The following TXNL1 variants were observed in gnomAD, a reference collection of about 807,000 sequenced individuals.
TXNL1 encodes the protein thioredoxin like 1.
TXNL1 carries 14 observed loss-of-function variants against 35.5 expected under a neutral mutation model. That is an observed-to-expected ratio of 0.39 (90% CI 0.26 to 0.62). The LOEUF is 0.62. Ranked by LOEUF, TXNL1 falls within the 20% of genes least tolerant of loss-of-function variation. TXNL1 has a pLI of 0.47. For synonymous variants in TXNL1, 110 were observed against 115.5 expected, an observed-to-expected ratio of 0.95 and a Z score of 0.31; for missense variants, 263 against 349.7, an observed-to-expected ratio of 0.75 and a Z score of 1.98.
At chr18:56,615,156 T>G (rs1018347441) in intron 5 of TXNL1, among the ~76,000 whole-genome samples, 23 of 152,132 alleles carry the variant, frequency 1.5e-4, no homozygotes, top group Non-Finnish European at 5.9e-5. Context: ...TAAAGTCCCA[T>G]GTATAGAATG....
rs1193806997 is a variant in TXNL1 at position 56,598,070 on chromosome 18, A to C, written c.*4957T>G. On this transcript the variant is annotated 3_prime_UTR_variant, in exon 8 of 8. Coordinates refer to ENST00000217515, the MANE Select transcript of TXNL1 (RefSeq NM_004786.3). ...TTCCCTAGAATGTCTCTTACACTTA[A>C]CTCCCACTCTATGAACACACTATGC... The C allele has an allele frequency of 6.6e-6, 1 of 151,910 alleles. No homozygotes were observed. The highest frequency in any genetic ancestry group is 2.4e-5 in the African/African-American group (1 of 41,322). 9.4% of individuals were successfully genotyped at this position (151,910 alleles called of 1,614,324 possible).
chr18:56,632,682 G>C (rs979440267), intron 1 of TXNL1, among the ~76,000 whole-genome samples: 1 of 152,116 alleles, frequency 6.6e-6, no homozygotes, highest in Admixed American at 6.5e-5. Context: ...GTTCAAATAC[G>C]GGCAAAACTG....
chr18:56,602,956 G>A lies in TXNL1; in HGVS notation c.*71C>T. On this transcript the variant is annotated 3_prime_UTR_variant, in exon 8 of 8. Coordinates refer to ENST00000217515, the MANE Select transcript of TXNL1 (RefSeq NM_004786.3). ...AATGAATGAAACATTGACAGTCTCT[G>A]GCGAGAATCAAGCAATTATCCAGGA... 2 of 1,468,090 alleles carry A rather than the reference G, an allele frequency of 1.4e-6. No individual in the cohort carries two copies. The highest frequency in any genetic ancestry group is 1.9e-6 in the Non-Finnish European group (2 of 1,047,950). The allele number at this position is 1,468,090 out of a possible 1,614,324, so 90.9% of individuals were successfully genotyped here.
intron 1 of TXNL1, among the ~76,000 whole-genome samples, chr18:56,631,877 G>A (rs920049535): frequency 2.6e-4 from 38 of 148,752 alleles, no homozygotes; most frequent in African/African-American, 8.7e-4. Flanking sequence ...ACGAGATTGC[G>A]CCATTGAACT....
In TXNL1 at chr18:56,624,571, T is replaced by C. The variant is rs1418654320; in HGVS notation, c.196-110A>G. 2.4e-6 allele frequency: 3 copies of C among 1,228,372 alleles called. No individual in the cohort carries two copies. The African/African-American group carries it at 4.5e-5, about 19-fold the overall frequency. 76.1% of individuals were successfully genotyped at this position (1,228,372 alleles called of 1,614,324 possible). On this transcript the variant is annotated intron_variant, in intron 2 of 7. Transcript: ENST00000217515. ...ACCATAAGCATGAACTAAAAACATG[T>C]AAAATACTGCATTTTTGTTATTTAA...
At chr18:56,628,480 A>C (rs1401125172) in intron 1 of TXNL1, among the ~76,000 whole-genome samples, 5 of 152,186 alleles carry the variant, frequency 3.3e-5, no homozygotes, top group Non-Finnish European at 7.4e-5. Context: ...TTATACAATG[A>C]AATACTACAC....
intron 1 of TXNL1, among the ~76,000 whole-genome samples, chr18:56,638,011 G>C (rs1408685833): frequency 2.0e-5 from 3 of 152,234 alleles, no homozygotes; most frequent in African/African-American, 4.8e-5. Flanking sequence ...TCAGGCTCAG[G>C]CAAGGGTGGC....
At chr18:56,637,173 G>A (rs1428286741) in intron 1 of TXNL1, among the ~76,000 whole-genome samples, 2 of 152,044 alleles carry the variant, frequency 1.3e-5, no homozygotes, top group Non-Finnish European at 2.9e-5. Context: ...ATATCTATCT[G>A]CATCCATTCC....
Position 56,599,274 on chromosome 18 carries a change from C to G in TXNL1, c.*3753G>C, listed in dbSNP as rs1202724941. 1 of 142,076 alleles carries G rather than the reference C, an allele frequency of 7.0e-6. No homozygotes were observed. The highest frequency in any genetic ancestry group is 6.9e-5 in the Admixed American group (1 of 14,464). 8.8% of individuals were successfully genotyped at this position (142,076 alleles called of 1,614,324 possible). A position where few individuals can be genotyped will look rare whatever the true frequency, so the allele number is the denominator to read the frequency against. ...GTCCTCTTATTCCTATAGTGCTGAG[C>G]ATGTTAAAAAAAAAAAAAAACCTTA... is the stretch of plus-strand genomic sequence containing the variant. On this transcript the variant is annotated 3_prime_UTR_variant, in exon 8 of 8. Transcript: ENST00000217515.
rs1395327317 is a variant in TXNL1, at chr18:56,630,305, C to T, written c.99-3848G>A. Among the ~76,000 whole-genome samples, 6 of 151,858 alleles carry T rather than the reference C, an allele frequency of 4.0e-5. No individual in the cohort carries two copies. The East Asian group carries it at 1.2e-3, about 29-fold the overall frequency. ...GACCTTGGGGAATATTTGAAAAGAA[C>T]AAAATCAACTGGAAATGATGCTTAC... On this transcript the variant is annotated intron_variant, in intron 1 of 7. Transcript: ENST00000217515.
Position 56,616,242 on chromosome 18 carries a change from C to T in TXNL1, c.562+3G>A. 1.2e-6 allele frequency: 2 copies of T among 1,612,648 alleles called. No homozygotes were observed. The highest frequency in any genetic ancestry group is 1.1e-5 in the South Asian group (1 of 90,998). On this transcript the variant is annotated splice_donor_region_variant and intron_variant, in intron 5 of 7. Coordinates refer to ENST00000217515, the MANE Select transcript of TXNL1 (RefSeq NM_004786.3). ...GTTTAAAGAAAAGCTATCCTTTACT[C>T]ACCATTATCTGGCCCTTGAAATTTC... is the stretch of plus-strand genomic sequence containing the variant.
In TXNL1 at chr18:56,617,880, T is replaced by C. The variant is rs192095811; in HGVS notation, c.492+124A>G. 79 of 1,277,858 alleles carry C rather than the reference T, an allele frequency of 6.2e-5. No homozygotes were observed. The East Asian group carries it at 1.3e-3, about 21-fold the overall frequency. 79.2% of individuals were successfully genotyped at this position (1,277,858 alleles called of 1,614,324 possible). ...CAAAAGTCAAAGAAACTAAAAGCTA[T>C]AGAAATGAAAGGAAGAAGTGATCAT... On this transcript the variant is annotated intron_variant, in intron 4 of 7. Coordinates refer to ENST00000217515, the MANE Select transcript of TXNL1 (RefSeq NM_004786.3).
At chr18:56,634,661 C>G (rs1243901433) in intron 1 of TXNL1, among the ~76,000 whole-genome samples, 1 of 152,076 alleles carries the variant, frequency 6.6e-6, no homozygotes, top group Admixed American at 6.6e-5. Context: ...CCAAAATTAA[C>G]TCAAAATGGA....
At chr18:56,606,807 T>TA (rs1393824030) in intron 7 of TXNL1, among the ~76,000 whole-genome samples, 1 of 152,184 alleles carries the variant, frequency 6.6e-6, no homozygotes, top group East Asian at 1.9e-4. Flanking sequence ...GACTGAAGAG[T>TA]AGTCCCTCCT....
In TXNL1 at chr18:56,622,858, T is replaced by C. The variant is rs191356415; in HGVS notation, c.369+1430A>G. On this transcript the variant is annotated intron_variant, in intron 3 of 7. Coordinates refer to ENST00000217515, the MANE Select transcript of TXNL1 (RefSeq NM_004786.3). ...TGTAACAACCCTGACATAAACGATATGTTGATACTTCCTAATTGGACATTA... is the reference window on the plus strand; with the variant it reads ...TGTAACAACCCTGACATAAACGATACGTTGATACTTCCTAATTGGACATTA... Among the ~76,000 whole-genome samples the C allele has an allele frequency of 3.9e-5, 6 of 152,334 alleles. No individual in the cohort carries two copies. The East Asian group carries it at 1.2e-3, about 29-fold the overall frequency.
chr18:56,609,830 C>G (rs986754952), intron 7 of TXNL1: 3 of 152,300 alleles, frequency 2.0e-5, no homozygotes, highest in South Asian at 4.1e-4. Context: ...GACATAACAG[C>G]TCTAAAGTGC....
At chr18:56,624,138 TAGTC>T in intron 3 of TXNL1, 146 bp downstream of exon 3, 1 of 797,146 alleles carries the variant, frequency 1.3e-6, no homozygotes, top group Non-Finnish European at 1.8e-6. Flanking sequence ...CAAAACTCAA[TAGTC>T]AGCTAATAAA....
chr18:56,627,590 A>G (rs1003618227), intron 1 of TXNL1, among the ~76,000 whole-genome samples: 1 of 152,206 alleles, frequency 6.6e-6, no homozygotes, highest in Non-Finnish European at 1.5e-5. Context: ...GACCCATCTC[A>G]CATACAGTAC....
rs1343140892 is a variant in TXNL1 at position 56,623,901 on chromosome 18, C to T, written c.369+387G>A. On this transcript the variant is annotated intron_variant, in intron 3 of 7. Transcript: ENST00000217515. ...CAGTAAAAGGAGTTAATGGCCATAA[C>T]TAAAACCTGTAAGTCATTTTACATA... 4.0e-5 allele frequency among the ~76,000 whole-genome samples: 6 copies of T among 149,132 alleles called. No homozygotes were observed. The East Asian group carries it at 9.8e-4, about 24-fold the overall frequency.
Sources: gnomAD v4.1 joint callset for allele counts (sites outside exome capture counted in the v4.1 genomes callset) on GRCh38, gnomAD v4.1.1 for gene constraint, MANE v1.5 for transcripts, NCBI Gene and HGNC (gene_info 2026-07-23, HGNC 2026-07-21) for gene names.